EHMT1: variants seen among roughly 807,000 people sequenced by gnomAD.
EHMT1 encodes the protein euchromatic histone lysine methyltransferase 1.
In EHMT1, 15 loss-of-function variants were observed where a neutral mutation model predicts 147.2. The ratio of observed to expected loss-of-function variants is 0.10; its 90% CI spans 0.07 to 0.16. The LOEUF is 0.16. Ranked by LOEUF, EHMT1 falls within the 10% of genes least tolerant of loss-of-function variation. EHMT1 has a pLI of 1.00. For synonymous variants in EHMT1, 795 were observed against 709.6 expected (o/e 1.12, Z -1.91); for missense variants, 1,587 against 1,772.4 (o/e 0.90, Z 1.88).
chr9:137,823,609 C>T (rs554808458), intron 25 of EHMT1: 8 of 224,960 alleles, frequency 3.6e-5, no homozygotes, highest in Admixed American at 1.2e-4. Flanking sequence ...GACGGGGTTT[C>T]GCCGTGTTAG....
intron 6 of EHMT1, among the ~76,000 whole-genome samples, chr9:137,748,534 A>G (rs2136131596): frequency 6.6e-6 from 1 of 152,274 alleles, no homozygotes; most frequent in South Asian, 2.1e-4. Flanking sequence ...GCTGGCCTCC[A>G]TGGACTCTGC....
intron 9 of EHMT1, among the ~76,000 whole-genome samples, chr9:137,761,547 T>TG (rs1362752012): frequency 6.6e-6 from 1 of 152,148 alleles, no homozygotes; most frequent in Admixed American, 6.5e-5. Flanking sequence ...TCCGACTCCC[T>TG]GGTTCAAGTG....
At chr9:137,790,731 T>C (rs1952462061) in intron 15 of EHMT1, 117 bp from the exon 16 acceptor site, 1 of 1,413,390 alleles carries the variant, frequency 7.1e-7, no homozygotes, top group South Asian at 1.2e-5. Flanking sequence ...CAGACATTGT[T>C]GGTCACTGAA....
At chr9:137,702,587 C>T (rs1319463803) in intron 1 of EHMT1, among the ~76,000 whole-genome samples, 5 of 152,180 alleles carry the variant, frequency 3.3e-5, no homozygotes, top group Non-Finnish European at 1.5e-5. Flanking sequence ...GCTCCTGCAG[C>T]TGCTTTCATG....
intron 1 of EHMT1, among the ~76,000 whole-genome samples, chr9:137,632,293 G>A (rs1341073884): frequency 2.6e-5 from 4 of 152,204 alleles, no homozygotes; most frequent in East Asian, 1.9e-4. Flanking sequence ...AATGGTGTTC[G>A]TTCCAGGGTT....
At chr9:137,804,446 A>C (rs184714728) in intron 18 of EHMT1, among the ~76,000 whole-genome samples, 7 of 152,314 alleles carry the variant, frequency 4.6e-5, no homozygotes, top group African/African-American at 1.7e-4. Context: ...TGTCTGTTCA[A>C]ATATTTTTCT....
chr9:137,647,681 G>A (rs1341291694), intron 1 of EHMT1, among the ~76,000 whole-genome samples: 1 of 146,744 alleles, frequency 6.8e-6, no homozygotes, highest in Admixed American at 7.0e-5. Flanking sequence ...TGAAACCTCC[G>A]CCTCCCAGGT....
At chr9:137,657,354 T>C (rs1252655936) in intron 1 of EHMT1, among the ~76,000 whole-genome samples, 1 of 151,976 alleles carries the variant, frequency 6.6e-6, no homozygotes, top group Non-Finnish European at 1.5e-5. Flanking sequence ...GTCTTTCTCG[T>C]GGCAGTGTTG....
chr9:137,653,544 T>A (rs1938094321), intron 1 of EHMT1, among the ~76,000 whole-genome samples: 1 of 152,156 alleles, frequency 6.6e-6, no homozygotes, highest in Non-Finnish European at 1.5e-5. Context: ...TTTTTTTCTT[T>A]TGAGACAGAG....
At chr9:137,648,599 T>C (rs140865303) in intron 1 of EHMT1, among the ~76,000 whole-genome samples, 120 of 152,160 alleles carry the variant, frequency 7.9e-4, no homozygotes, top group African/African-American at 2.7e-3. Flanking sequence ...TGCAGTGAAC[T>C]GTGATCACAA....
chr9:137,636,830 T>C (rs1204834662), intron 1 of EHMT1, among the ~76,000 whole-genome samples: 2 of 152,030 alleles, frequency 1.3e-5, no homozygotes, highest in South Asian at 2.1e-4. Context: ...ATAAGTGGTA[T>C]TATGTTGGTC....
intron 12 of EHMT1, 44 bp from the exon 13 acceptor site, chr9:137,777,838 G>A: frequency 6.2e-7 from 1 of 1,609,358 alleles, no homozygotes; most frequent in South Asian, 1.1e-5. Flanking sequence ...AACAGGCCAT[G>A]TTTCGTGTTT....
At chr9:137,712,394 C>T (rs907493978) in intron 2 of EHMT1, among the ~76,000 whole-genome samples, 1 of 152,180 alleles carries the variant, frequency 6.6e-6, no homozygotes, top group African/African-American at 2.4e-5. Flanking sequence ...ACGGTGGCTG[C>T]CCCATCTTGC....
At chr9:137,765,465 G>C (rs2136417412) in intron 10 of EHMT1, among the ~76,000 whole-genome samples, 1 of 152,198 alleles carries the variant, frequency 6.6e-6, no homozygotes, top group Non-Finnish European at 1.5e-5. Context: ...ATTAAACACA[G>C]ATCCCTTGGG....
chr9:137,828,325 T>TGGGGTGG lies in EHMT1; in HGVS notation c.3541-6012_3541-6006dup. Among the ~76,000 whole-genome samples the TGGGGTGG allele has an allele frequency of 7.2e-6, 1 of 139,108 alleles. No homozygotes were observed. The highest frequency in any genetic ancestry group is 1.6e-5 in the Non-Finnish European group (1 of 63,136). 91.3% of individuals were successfully genotyped at this position (139,108 alleles called of 152,430 possible). A position where few individuals can be genotyped will look rare whatever the true frequency, so the allele number is the denominator to read the frequency against. ...CCCCAAAGATGCCCTGGACATGCCC[T>TGGGGTGG]GGGGTGGGGGGTGGGGGGCAGCACA... On this transcript the variant is annotated intron_variant, in intron 25 of 26. Coordinates refer to ENST00000460843, the MANE Select transcript of EHMT1 (RefSeq NM_024757.5). The surrounding 1 kb of genome is among the most constrained non-coding windows in gnomAD (Gnocchi z 5.3).
chr9:137,714,795 C>T (rs1945062862), intron 2 of EHMT1, among the ~76,000 whole-genome samples: 1 of 152,048 alleles, frequency 6.6e-6, no homozygotes, highest in South Asian at 2.1e-4. Context: ...GCGATCATGC[C>T]TCCTTGGCCT....
At chr9:137,629,620 C>T (rs936540601) in intron 1 of EHMT1, among the ~76,000 whole-genome samples, 1 of 151,842 alleles carries the variant, frequency 6.6e-6, no homozygotes, top group Non-Finnish European at 1.5e-5. Flanking sequence ...GTCTCGCTCT[C>T]CTGACCTCGT....
intron 19 of EHMT1, among the ~76,000 whole-genome samples, chr9:137,812,693 T>C (rs1462166644): frequency 6.6e-6 from 1 of 152,224 alleles, no homozygotes; most frequent in Non-Finnish European, 1.5e-5. Flanking sequence ...GCTTCCCTTC[T>C]TATCCTTGAG....
At chr9:137,677,941 C>T (rs902861012) in intron 1 of EHMT1, among the ~76,000 whole-genome samples, 3 of 149,844 alleles carry the variant, frequency 2.0e-5, no homozygotes, top group African/African-American at 7.3e-5. Flanking sequence ...TGGCGGCGGG[C>T]GCCTGTAGTC....
Sources: allele counts gnomAD v4.1 joint callset (sites outside exome capture counted in the v4.1 genomes callset), GRCh38; gene constraint gnomAD v4.1.1; non-coding constraint Gnocchi (gnomAD v3.1); transcripts MANE v1.5; gene names NCBI Gene and HGNC (gene_info 2026-07-23, HGNC 2026-07-21).